Variants in RSAD1 observed in about 807,000 individuals in gnomAD.
RSAD1 encodes radical S-adenosyl methionine domain containing 1, also known as radical S-adenosyl methionine domain-containing protein 1, mitochondrial.
Under a neutral mutation model 46.2 loss-of-function variants are expected in RSAD1, and 34 were observed. The ratio of observed to expected loss-of-function variants is 0.74; its 90% confidence interval spans 0.56 to 0.98. RSAD1 has a LOEUF of 0.98. Among genes scored for constraint, RSAD1 ranks in the 50% least tolerant of loss-of-function variants. The probability of loss-of-function intolerance (pLI) is 0.00; values close to 1 mark genes in which losing one functional copy is unlikely to be tolerated. For synonymous variants in RSAD1, 260 were observed against 253.5 expected, an observed-to-expected ratio of 1.03 and a Z score of -0.24; for missense variants, 635 against 592.3, an observed-to-expected ratio of 1.07 and a Z score of -0.75.
chr17:50,483,848 T>A (rs1325371513), intron 7 of RSAD1, 88 bp downstream of exon 7: 6 of 1,196,668 alleles, frequency 5.0e-6, no homozygotes, highest in Non-Finnish European at 7.0e-6. Context: ...CACACACATA[T>A]ACCTCCAATT....
At chr17:50,479,333 T>C (rs922064224) in intron 1 of RSAD1, 1 of 489,428 alleles carries the variant, frequency 2.0e-6, no homozygotes, top group Non-Finnish European at 3.6e-6. Flanking sequence ...AAATGGCTCA[T>C]AGGAAAATTG....
chr17:50,481,999 G>A, intron 3 of RSAD1, 92 bp from the exon 4 acceptor site: 2 of 1,402,982 alleles, frequency 1.4e-6, no homozygotes, highest in South Asian at 1.7e-5. Flanking sequence ...GCCACGTGCT[G>A]CGTTCTCCCT....
chr17:50,484,630 G>A lies in RSAD1; in HGVS notation c.1211+85G>A. The A allele has an allele frequency of 2.6e-6, 4 of 1,536,046 alleles. No homozygotes were observed. The South Asian group carries it at 3.4e-5, about 13-fold the overall frequency. On this transcript the variant is annotated intron_variant, in intron 8 of 8. Transcript: ENST00000258955. Reference sequence around the variant, plus strand: ...CTCTCCACAGACCCAGGAGAAGTGAGAAAGACTGACTGGTAAGGCGGGACC... The same window carrying A: ...CTCTCCACAGACCCAGGAGAAGTGAAAAAGACTGACTGGTAAGGCGGGACC...
chr17:50,478,998 G>A lies in RSAD1; in HGVS notation c.114G>A (p.Arg38=). The change falls in exon 1 of 9, where the codon CGG becomes CGA. Residue 38 remains arginine (R), a synonymous_variant. Transcript: ENST00000258955. ...CCCCGAGTCCTGAGCCTGCGGGCCG[G>A]CGCGCGGCGCTTTACGTACACGTGA... is the stretch of plus-strand genomic sequence containing the variant. ...GGSPSPEPAG[R]RAALYVHWPY... is the part of the protein sequence containing the mutation. The A allele has an allele frequency of 7.3e-7, 1 of 1,373,590 alleles. No homozygotes were observed. The highest frequency in any genetic ancestry group is 9.3e-7 in the Non-Finnish European group (1 of 1,069,680). The allele number at this position is 1,373,590 out of a possible 1,614,324, so 85.1% of individuals were successfully genotyped here.
At chr17:50,483,635 C>T in intron 6 of RSAD1, 71 bp from the exon 7 acceptor site, 7 of 1,598,720 alleles carry the variant, frequency 4.4e-6, no homozygotes, top group Non-Finnish European at 5.1e-6. Context: ...AAATGCATCC[C>T]AGTGTAGAAT....
At position 50,484,525 on chromosome 17, in the gene RSAD1, C is replaced by A; in HGVS notation, c.1191C>A (p.Gly397=). The part of the protein sequence containing the change: ...NKEVQELLER[G]LLQLDHRGLR... ...AGGTGCAGGAGCTGCTGGAGCGGGG[C>A]CTACTGCAGCTGGATCACAGGTGTG... The change falls in exon 8 of 9, where the codon GGC becomes GGA. Residue 397 remains glycine (G), a synonymous_variant. Coordinates refer to ENST00000258955, the MANE Select transcript of RSAD1 (RefSeq NM_018346.3). 1 of 1,613,316 alleles carries A rather than the reference C, an allele frequency of 6.2e-7. No homozygotes were observed. Among genetic ancestry groups the A allele is most frequent in the African/African-American group, 1.3e-5 (1 of 75,040 alleles).
Position 50,483,371 on chromosome 17 carries a change from T to A in RSAD1, c.936T>A (p.Ala312=). 6.2e-7 allele frequency: 1 copy of A among 1,614,046 alleles called. No individual in the cohort carries two copies. Among genetic ancestry groups the A allele is most frequent in the South Asian group, 1.1e-5 (1 of 91,052 alleles). ...ATGGACGATTTATGCCCCAGGGGGC[T>A]GGAGGCCACACCCGGGAGGCTCGGA... ...GAHGRFMPQG[A]GGHTREARIQ... is the part of the protein sequence containing the mutation. The change falls in exon 6 of 9, where the codon GCT becomes GCA. Residue 312 remains alanine, a synonymous_variant. Coordinates refer to ENST00000258955, the MANE Select transcript of RSAD1 (RefSeq NM_018346.3).
In RSAD1 at chr17:50,479,037, C is replaced by T; in HGVS notation, c.135+18C>T. On this transcript the variant is annotated intron_variant, in intron 1 of 8. Coordinates refer to ENST00000258955, the MANE Select transcript of RSAD1 (RefSeq NM_018346.3). ...ACGTACACGTGAGTAGGGGCGGGGG[C>T]GGAGCCCACGGTGTGTGGCCGCAGC... The T allele has an allele frequency of 7.6e-7, 1 of 1,319,782 alleles. No homozygotes were observed. Among genetic ancestry groups the T allele is most frequent in the Non-Finnish European group, 9.6e-7 (1 of 1,038,724 alleles). The allele number at this position is 1,319,782 out of a possible 1,614,324, so 81.8% of individuals were successfully genotyped here.
intron 7 of RSAD1, 144 bp downstream of exon 7, chr17:50,483,904 C>G (rs943675654): frequency 1.3e-6 from 1 of 751,614 alleles, no homozygotes; most frequent in Middle Eastern, 3.9e-4. Context: ...CCAGCTGAGG[C>G]CTGATGGGCA....
At chr17:50,483,524 C>T (rs759766553) in intron 6 of RSAD1, 37 bp downstream of exon 6, 4 of 1,606,122 alleles carry the variant, frequency 2.5e-6, no homozygotes, top group East Asian at 2.2e-5. Context: ...CCTCCAGGAT[C>T]CCCACACCCC....
chr17:50,479,644 A>G lies in RSAD1; in HGVS notation c.151A>G (p.Lys51Glu). Reference protein sequence around the residue: ...ALYVHWPYCEKRCSYCNFNKY... With the variant: ...ALYVHWPYCEERCSYCNFNKY... ...CTGCCCCCAGTGGCCTTACTGCGAG[A>G]AGCGCTGCAGTTACTGCAACTTCAA... The change falls in exon 2 of 9, where the codon AAG becomes GAG. Residue 51 changes from lysine (K) to glutamate (E), a missense_variant. By Grantham distance (56) the Lys-to-Glu change is moderately conservative. Coordinates refer to ENST00000258955, the MANE Select transcript of RSAD1 (RefSeq NM_018346.3). 1 of 1,613,758 alleles carries G rather than the reference A, an allele frequency of 6.2e-7. No individual in the cohort carries two copies. The highest frequency in any genetic ancestry group is 1.1e-5 in the South Asian group (1 of 91,076).
At chr17:50,480,838 A>G (rs1440639786) in intron 3 of RSAD1, among the ~76,000 whole-genome samples, 3 of 152,182 alleles carry the variant, frequency 2.0e-5, no homozygotes, top group Non-Finnish European at 4.4e-5. Flanking sequence ...AGATATTCTT[A>G]CCCCAAAGCG....
At chr17:50,483,093 A>G (rs2056548830) in intron 5 of RSAD1, among the ~76,000 whole-genome samples, 1 of 142,446 alleles carries the variant, frequency 7.0e-6, no homozygotes, top group Non-Finnish European at 1.5e-5. Context: ...AATCTGAGCT[A>G]CTTGGGAAGC....
At chr17:50,479,598 C>T (rs1442817511) in intron 1 of RSAD1, 31 bp from the exon 2 acceptor site, 1 of 1,612,620 alleles carries the variant, frequency 6.2e-7, no homozygotes, top group Admixed American at 1.7e-5. Context: ...CAGGGCAGCT[C>T]TCACCGCGCA....
intron 1 of RSAD1, 51 bp downstream of exon 1, chr17:50,479,070 G>A (rs925689420): frequency 1.5e-6 from 2 of 1,292,976 alleles, no homozygotes; most frequent in Non-Finnish European, 9.8e-7. Context: ...AGCCCTGGCC[G>A]TGACCGTGGC....
intron 7 of RSAD1, 74 bp from the exon 8 acceptor site, chr17:50,484,368 T>C: frequency 4.6e-6 from 6 of 1,293,504 alleles, no homozygotes; most frequent in Non-Finnish European, 6.6e-6. Flanking sequence ...CTCCCCCACC[T>C]CTCACCATAC....
chr17:50,482,286 TC>T lies in RSAD1; in HGVS notation c.673del (p.Leu225SerfsTer106), dbSNP rs1406985328. The part of the protein sequence containing the change: ...ELLHHCDDHL[S>X]LYQLSLERGT... ...GCTGCACCACTGTGATGACCACCTCTCCCTCTACCAGCTGTCCCTGGAGCGG... is the reference window on the plus strand; with the variant it reads ...GCTGCACCACTGTGATGACCACCTCTCCTCTACCAGCTGTCCCTGGAGCGG... On this transcript the variant is annotated frameshift_variant, in exon 4 of 9. Coordinates refer to ENST00000258955, the MANE Select transcript of RSAD1 (RefSeq NM_018346.3). LOFTEE classifies it high-confidence loss of function. 2 of 1,601,262 alleles carry T rather than the reference TC, an allele frequency of 1.2e-6. No homozygotes were observed. Among genetic ancestry groups the T allele is most frequent in the Admixed American group, 1.7e-5 (1 of 58,912 alleles).
In RSAD1 at chr17:50,482,074, C is replaced by A. The variant is rs747784421; in HGVS notation, c.475-17C>A. 4.6e-6 allele frequency: 7 copies of A among 1,525,120 alleles called. No homozygotes were observed. The East Asian group carries it at 1.7e-4, about 36-fold the overall frequency. 94.5% of individuals were successfully genotyped at this position (1,525,120 alleles called of 1,614,324 possible). A position where few individuals can be genotyped will look rare whatever the true frequency, so the allele number is the denominator to read the frequency against. On this transcript the variant is annotated splice_polypyrimidine_tract_variant and intron_variant, in intron 3 of 8. Transcript: ENST00000258955. ...CTCTGAGCTGCTGGTATGCTTACAC[C>A]CACCCTCTTTTCCCAGTCCCTAGAT...
chr17:50,483,225 T>G, intron 5 of RSAD1, 115 bp from the exon 6 acceptor site: 4 of 585,766 alleles, frequency 6.8e-6, no homozygotes, highest in South Asian at 1.3e-4. Context: ...AAAAGAAAAA[T>G]AATTTATATT....
Sources: gnomAD v4.1 joint callset for allele counts (sites outside exome capture counted in the v4.1 genomes callset) on GRCh38, gnomAD v4.1.1 for gene constraint, MANE v1.5 for transcripts, NCBI Gene and HGNC (gene_info 2026-07-23, HGNC 2026-07-21) for gene names.